Variants in SCUBE2 observed in about 807,000 individuals in gnomAD.
The protein encoded by SCUBE2 is signal peptide, CUB and EGF-like domain-containing protein 2.
In SCUBE2, 114 loss-of-function variants were observed where a neutral mutation model predicts 125.9. The observed-to-expected ratio is 0.91, with a 90% CI of 0.78 to 1.06. The LOEUF is 1.06. SCUBE2 is among the 50% of genes least tolerant of loss of function. SCUBE2 has a pLI of 0.00. For missense variants in SCUBE2, 1,255 were observed against 1,301.8 expected, an observed-to-expected ratio of 0.96 and a Z score of 0.55; for synonymous variants, 459 against 492.9, an observed-to-expected ratio of 0.93 and a Z score of 0.91.
At chr11:9,039,156 A>T (rs1856992040) in intron 16 of SCUBE2, among the ~76,000 whole-genome samples, 2 of 152,026 alleles carry the variant, frequency 1.3e-5, no homozygotes, top group Admixed American at 1.3e-4. Context: ...TGTTTTTAAG[A>T]GATGTCCTGG....
At chr11:9,052,909 C>T in intron 12 of SCUBE2, 77 bp from the exon 13 acceptor site, 2 of 1,195,954 alleles carry the variant, frequency 1.7e-6, no homozygotes, top group Non-Finnish European at 2.4e-6. Flanking sequence ...ACTGTCCCCC[C>T]ACCCCACTCC....
At chr11:9,090,945 G>A (rs1179072798) in intron 1 of SCUBE2, among the ~76,000 whole-genome samples, 1 of 152,142 alleles carries the variant, frequency 6.6e-6, no homozygotes, top group Non-Finnish European at 1.5e-5. Flanking sequence ...TGACAGAAAA[G>A]TCTCTGGAGC....
chr11:9,027,573 G>C lies in SCUBE2; in HGVS notation c.2504-12C>G. On this transcript the variant is annotated splice_polypyrimidine_tract_variant and intron_variant, in intron 19 of 22. Coordinates refer to ENST00000649792, the MANE Select transcript of SCUBE2 (RefSeq NM_001367977.2). ...TCCACATCTTCTGTCTGAAAAAGGA[G>C]ATGCCCCGAGTTATGGCACGACACT... 1 of 1,609,040 alleles carries C rather than the reference G, an allele frequency of 6.2e-7. No homozygotes were observed. The highest frequency in any genetic ancestry group is 1.3e-5 in the African/African-American group (1 of 74,952).
At chr11:9,033,830 A>G in intron 16 of SCUBE2, 34 bp from the exon 17 acceptor site, 2 of 1,608,758 alleles carry the variant, frequency 1.2e-6, no homozygotes, top group Non-Finnish European at 1.7e-6. Flanking sequence ...GTCAGTGTGG[A>G]CACAAAGGCC....
chr11:9,063,910 G>A (rs1859932597), intron 7 of SCUBE2, among the ~76,000 whole-genome samples: 1 of 152,164 alleles, frequency 6.6e-6, no homozygotes, highest in Non-Finnish European at 1.5e-5. Context: ...AAAAGAATTG[G>A]TAAGAGGTAC....
At chr11:9,088,215 T>C (rs1214433668) in intron 2 of SCUBE2, among the ~76,000 whole-genome samples, 2 of 152,226 alleles carry the variant, frequency 1.3e-5, no homozygotes, top group Admixed American at 6.5e-5. Context: ...TGGGTGGGCA[T>C]AGTGGCTCAT....
chr11:9,073,887 CAGAAG>C (rs1861003295), intron 4 of SCUBE2, among the ~76,000 whole-genome samples: 1 of 152,162 alleles, frequency 6.6e-6, no homozygotes, highest in Admixed American at 6.5e-5. Context: ...AGAAGGACAT[CAGAAG>C]AGAAGAGTTT....
chr11:9,027,663 A>C, intron 19 of SCUBE2, 102 bp from the exon 20 acceptor site: 1 of 972,604 alleles, frequency 1.0e-6, no homozygotes, highest in Non-Finnish European at 1.5e-6. Flanking sequence ...CCACCCAGGA[A>C]TGGGGCATGA....
rs772946755 is a variant in SCUBE2, at chr11:9,027,480, G to C, written c.2585C>G (p.Thr862Ser). 4 of 1,614,118 alleles carry C rather than the reference G, an allele frequency of 2.5e-6. No homozygotes were observed. Among genetic ancestry groups the C allele is most frequent in the Non-Finnish European group, 3.4e-6 (4 of 1,180,032 alleles). The change falls in exon 20 of 23, where the codon ACC (threonine) becomes AGC (serine). Residue 862 changes from threonine (T) to serine (S), a missense_variant. By Grantham distance (58) the Thr-to-Ser change is moderately conservative (BLOSUM62 1). Around this residue, in one of 3 missense-constraint regions of SCUBE2, gnomAD observed 515 missense variants for 515.7 expected, o/e 1.00. Coordinates refer to ENST00000649792, the MANE Select transcript of SCUBE2 (RefSeq NM_001367977.2). ...TGGGTTGATGGTCCACGTACACTCG[G>C]TGTTGGCTGGGTAATTGCCTGGGTA... is the stretch of plus-strand genomic sequence containing the variant. ...PNYPGNYPANTECTWTINPPP... is the reference protein window; with the variant it reads ...PNYPGNYPANSECTWTINPPP...
intron 16 of SCUBE2, among the ~76,000 whole-genome samples, chr11:9,046,131 C>T (rs1298017882): frequency 2.0e-5 from 3 of 151,758 alleles, no homozygotes; most frequent in Non-Finnish European, 4.4e-5. Flanking sequence ...CTCAGCCTCC[C>T]GAATAGCTGG....
chr11:9,074,296 AG>A (rs1312255063), intron 4 of SCUBE2, among the ~76,000 whole-genome samples, 184 bp downstream of exon 4: 1 of 152,248 alleles, frequency 6.6e-6, no homozygotes, highest in Non-Finnish European at 1.5e-5. Context: ...CTATTTTGCC[AG>A]GTGAGGAAGT....
rs143365584 is a variant in SCUBE2, at chr11:9,070,791, T to A, written c.518-1296A>T. The stretch of plus-strand genomic sequence containing the variant: ...TTGTTTTAATACAAACAGATGTCAT[T>A]CCTATTCCAGAAGACAGTGCAAGGG... On this transcript the variant is annotated intron_variant, in intron 4 of 22. Transcript: ENST00000649792. Among the ~76,000 whole-genome samples the A allele has an allele frequency of 3.2e-3, 493 of 152,332 alleles. 2 individuals carry two copies. Among genetic ancestry groups the A allele is most frequent in the African/African-American group, 0.011 (467 of 41,566 alleles).
intron 14 of SCUBE2, among the ~76,000 whole-genome samples, chr11:9,048,545 A>G (rs1017362202): frequency 6.6e-6 from 1 of 152,234 alleles, no homozygotes; most frequent in Non-Finnish European, 1.5e-5. Flanking sequence ...TTTCAGGCAA[A>G]CTGACCTTGG....
In SCUBE2 at chr11:9,028,254, G is replaced by C. The variant is rs562802337; in HGVS notation, c.2504-693C>G. 2.6e-5 allele frequency among the ~76,000 whole-genome samples: 4 copies of C among 152,140 alleles called. No homozygotes were observed. The South Asian group carries it at 8.3e-4, about 32-fold the overall frequency. On this transcript the variant is annotated intron_variant, in intron 19 of 22. Coordinates refer to ENST00000649792, the MANE Select transcript of SCUBE2 (RefSeq NM_001367977.2). ...GACAAGGTCTATGCTGCCCAGGCTG[G>C]TCTGGAACTCAGGCTCAAGCTATCC...
intron 14 of SCUBE2, among the ~76,000 whole-genome samples, chr11:9,048,956 T>G (rs1432088512): frequency 6.6e-6 from 1 of 152,218 alleles, no homozygotes; most frequent in Non-Finnish European, 1.5e-5. Context: ...TCTACATTTT[T>G]CCCCTAAAGA....
At chr11:9,038,638 C>G (rs1370742667) in intron 16 of SCUBE2, among the ~76,000 whole-genome samples, 1 of 151,940 alleles carries the variant, frequency 6.6e-6, no homozygotes, top group Non-Finnish European at 1.5e-5. Context: ...CAAACAAACA[C>G]AAAACAACAA....
chr11:9,079,856 TA>T (rs1861497140), intron 2 of SCUBE2, among the ~76,000 whole-genome samples: 1 of 152,132 alleles, frequency 6.6e-6, no homozygotes, highest in Admixed American at 6.5e-5. Flanking sequence ...AAATCAAAAT[TA>T]AAAGAGTATC....
At chr11:9,024,466 A>G in intron 21 of SCUBE2, 1 of 1,218,788 alleles carries the variant, frequency 8.2e-7, no homozygotes, top group Non-Finnish European at 1.1e-6. Flanking sequence ...GGAAAGCCAT[A>G]GAATATTGTC....
chr11:9,030,657 G>A (rs1381376997), intron 18 of SCUBE2, 101 bp downstream of exon 18: 1 of 1,215,832 alleles, frequency 8.2e-7, no homozygotes, highest in African/African-American at 1.5e-5. Flanking sequence ...CAGCCACTGG[G>A]GCACTGCATC....
Sources: allele counts gnomAD v4.1 joint callset (sites outside exome capture counted in the v4.1 genomes callset), GRCh38; gene constraint gnomAD v4.1.1; regional missense constraint gnomAD v4.1.1; transcripts MANE v1.5; gene names NCBI Gene and HGNC (gene_info 2026-07-23, HGNC 2026-07-21).